OSBPL8: variants seen among roughly 807,000 people sequenced by gnomAD.
OSBPL8 encodes oxysterol binding protein like 8, also known as oxysterol-binding protein-related protein 8.
OSBPL8 carries 59 observed loss-of-function variants against 125.5 expected under a neutral mutation model. The observed-to-expected ratio is 0.47, with a 90% CI of 0.38 to 0.58. OSBPL8 has a LOEUF of 0.58. OSBPL8 is among the 20% of genes least tolerant of loss of function. The probability of loss-of-function intolerance (pLI) is 0.00; values close to 1 mark genes in which losing one functional copy is unlikely to be tolerated. For synonymous variants in OSBPL8, 330 were observed against 338.9 expected (o/e 0.97, Z 0.29); for missense variants, 758 against 1,047.8 (o/e 0.72, Z 3.82).
chr12:76,371,533 A>G lies in OSBPL8; in HGVS notation c.1969T>C (p.Trp657Arg). 1 of 1,611,170 alleles carries G rather than the reference A, an allele frequency of 6.2e-7. No homozygotes were observed. The highest frequency in any genetic ancestry group is 8.5e-7 in the Non-Finnish European group (1 of 1,178,600). The change falls in exon 19 of 24, where the codon TGG becomes CGG. Residue 657 changes from tryptophan to arginine, a missense_variant. Physicochemically the swap from Trp to Arg is moderately radical, Grantham distance 101. Coordinates refer to ENST00000261183, the MANE Select transcript of OSBPL8 (RefSeq NM_020841.5). Reference protein sequence around the residue: ...DKKTDNSEVFWNPTPDIKQWR... With the variant: ...DKKTDNSEVFRNPTPDIKQWR... ...TGCTTAATGTCAGGTGTTGGATTCC[A>G]GAAAACCTCTGAATTATCAGTCTTT...
At chr12:76,367,231 T>G (rs61509619) in intron 21 of OSBPL8, among the ~76,000 whole-genome samples, 34,818 of 148,428 alleles carry the variant, frequency 0.23, 4,229 homozygotes, top group African/African-American at 0.32. Context: ...TGTTGATTGG[T>G]GTGTGTGTGT....
intron 4 of OSBPL8, among the ~76,000 whole-genome samples, chr12:76,418,709 G>A (rs1037304600): frequency 6.6e-6 from 1 of 151,982 alleles, no homozygotes; most frequent in Non-Finnish European, 1.5e-5. Flanking sequence ...GCACATGCCT[G>A]TAATCCCAGC....
At chr12:76,451,095 T>C (rs1873350364) in intron 3 of OSBPL8, 107 bp from the exon 4 acceptor site, 2 of 1,191,344 alleles carry the variant, frequency 1.7e-6, no homozygotes, top group African/African-American at 3.2e-5. Flanking sequence ...TTGGTGGTTA[T>C]ATTCATTTTA....
chr12:76,405,937 A>AT (rs1954244723), intron 5 of OSBPL8, among the ~76,000 whole-genome samples: 3 of 151,642 alleles, frequency 2.0e-5, no homozygotes, highest in African/African-American at 7.3e-5. Context: ...TTTCTTCTTT[A>AT]TTTTCCCCTT....
chr12:76,456,453 C>A (rs1565911735), intron 3 of OSBPL8, among the ~76,000 whole-genome samples: 1 of 152,062 alleles, frequency 6.6e-6, no homozygotes, highest in Admixed American at 6.5e-5. Context: ...GAGTTTGAGA[C>A]TAGCCTGGCC....
chr12:76,395,884 A>G (rs1386326356), intron 8 of OSBPL8, among the ~76,000 whole-genome samples: 1 of 151,914 alleles, frequency 6.6e-6, no homozygotes, highest in Non-Finnish European at 1.5e-5. Flanking sequence ...AATTATACAG[A>G]TTTCTCTCTT....
intron 1 of OSBPL8, among the ~76,000 whole-genome samples, chr12:76,510,285 A>G (rs1348198418): frequency 6.6e-6 from 1 of 152,234 alleles, no homozygotes; most frequent in East Asian, 1.9e-4. Context: ...AATAAAATGC[A>G]CAAAGAAAAA....
chr12:76,417,169 A>G (rs1868790009), intron 4 of OSBPL8, among the ~76,000 whole-genome samples: 1 of 152,112 alleles, frequency 6.6e-6, no homozygotes, highest in African/African-American at 2.4e-5. Flanking sequence ...AGCCCTTGCT[A>G]TTTGTTTATC....
chr12:76,411,744 T>C (rs1275160737), intron 4 of OSBPL8, among the ~76,000 whole-genome samples: 1 of 152,032 alleles, frequency 6.6e-6, no homozygotes, highest in African/African-American at 2.4e-5. Flanking sequence ...AAATGCAACA[T>C]GGAATTTTAA....
chr12:76,557,590 G>T (rs1951144253), intron 1 of OSBPL8, among the ~76,000 whole-genome samples: 2 of 148,758 alleles, frequency 1.3e-5, no homozygotes, highest in Admixed American at 6.8e-5. Context: ...CTCCAGCCTG[G>T]GATACAGAGT....
At chr12:76,446,300 C>A (rs1872715903) in intron 4 of OSBPL8, among the ~76,000 whole-genome samples, 2 of 152,136 alleles carry the variant, frequency 1.3e-5, no homozygotes, top group African/African-American at 4.8e-5. Flanking sequence ...AGCAGTTAAT[C>A]TTCACCATGA....
intron 1 of OSBPL8, among the ~76,000 whole-genome samples, chr12:76,525,791 A>G (rs181556565): frequency 6.6e-6 from 1 of 152,366 alleles, no homozygotes; most frequent in Admixed American, 6.5e-5. Context: ...TACAAAAATA[A>G]AAAAACAAAG....
chr12:76,530,888 A>AC (rs1950320878), intron 1 of OSBPL8, among the ~76,000 whole-genome samples: 1 of 152,240 alleles, frequency 6.6e-6, no homozygotes, highest in African/African-American at 2.4e-5. Context: ...AAGATCTTCC[A>AC]CTTCCAGAAA....
At position 76,355,396 on chromosome 12, in the gene OSBPL8, T is replaced by G. The variant is rs900596752; in HGVS notation, c.*493A>C. The G allele has an allele frequency of 1.3e-5, 2 of 151,150 alleles. No homozygotes were observed. Among genetic ancestry groups the G allele is most frequent in the Non-Finnish European group, 2.9e-5 (2 of 68,018 alleles). The allele number at this position is 151,150 out of a possible 1,614,324, so 9.4% of individuals were successfully genotyped here. A position where few individuals can be genotyped will look rare whatever the true frequency, so the allele number is the denominator to read the frequency against. ...GCTTTGCAAATGATTTTAACAGTAGTGTATTGAATTAATTATGTCTATTAT... is the reference window on the plus strand; with the variant it reads ...GCTTTGCAAATGATTTTAACAGTAGGGTATTGAATTAATTATGTCTATTAT... On this transcript the variant is annotated 3_prime_UTR_variant, in exon 24 of 24. Transcript: ENST00000261183.
At chr12:76,467,256 G>A (rs77530850) in intron 2 of OSBPL8, among the ~76,000 whole-genome samples, 192 of 152,176 alleles carry the variant, frequency 1.3e-3, no homozygotes, top group African/African-American at 4.6e-3. Flanking sequence ...CATTACCAGT[G>A]CTCAGCTTCA....
At chr12:76,487,688 T>C (rs758027696) in intron 1 of OSBPL8, 70 bp from the exon 2 acceptor site, 1 of 543,984 alleles carries the variant, frequency 1.8e-6, no homozygotes, top group East Asian at 3.5e-5. Context: ...AGCATTGAGT[T>C]TGTTAGAAGG....
chr12:76,469,565 T>C (rs1034202795), intron 2 of OSBPL8, among the ~76,000 whole-genome samples: 1 of 152,168 alleles, frequency 6.6e-6, no homozygotes, highest in African/African-American at 2.4e-5. Flanking sequence ...CCAACAGATA[T>C]GCAAGCTTTA....
chr12:76,397,659 T>C, intron 8 of OSBPL8, 35 bp downstream of exon 8: 5 of 1,581,494 alleles, frequency 3.2e-6, no homozygotes, highest in Non-Finnish European at 4.3e-6. Context: ...GATTATCATC[T>C]TTACCTTTCA....
In OSBPL8 at chr12:76,353,305, T is replaced by G. The variant is rs200454253; in HGVS notation, c.*2584A>C. On this transcript the variant is annotated 3_prime_UTR_variant, in exon 24 of 24. Transcript: ENST00000261183. ...CATGCCCTATTTATTGTTGTTGTTT[T>G]TTTTTTTTTTTTACATGTCCTGGGC... 0.1 allele frequency: 15,142 copies of G among 150,376 alleles called. 1,090 individuals carry two copies. Among genetic ancestry groups the G allele is most frequent in the East Asian group, 0.36 (1,843 of 5,132 alleles). The allele number at this position is 150,376 out of a possible 1,614,324, so 9.3% of individuals were successfully genotyped here. A position where few individuals can be genotyped will look rare whatever the true frequency, so the allele number is the denominator to read the frequency against.
Sources: allele counts gnomAD v4.1 joint callset (sites outside exome capture counted in the v4.1 genomes callset), GRCh38; gene constraint gnomAD v4.1.1; transcripts MANE v1.5; gene names NCBI Gene and HGNC (gene_info 2026-07-23, HGNC 2026-07-21).